The following GNG7 variants were observed in gnomAD, a reference collection of about 807,000 sequenced individuals.
The protein encoded by GNG7 is G protein subunit gamma 7.
Under a neutral mutation model 4.0 loss-of-function variants are expected in GNG7, and 1 was observed. The observed-to-expected ratio is 0.25, with a 90% CI of 0.09 to 1.18. GNG7 has a LOEUF of 1.18. Ranked by LOEUF, GNG7 falls within the 50% of genes most tolerant of loss-of-function variation. The pLI, the probability that GNG7 is intolerant of heterozygous loss-of-function variation, is 0.50. For synonymous variants in GNG7, 34 were observed against 36.9 expected, an observed-to-expected ratio of 0.92 and a Z score of 0.29; for missense variants, 86 against 91.9, an observed-to-expected ratio of 0.94 and a Z score of 0.26.
At chr19:2,591,981 G>C (rs1425228463) in intron 2 of GNG7, among the ~76,000 whole-genome samples, 1 of 152,178 alleles carries the variant, frequency 6.6e-6, no homozygotes, top group Non-Finnish European at 1.5e-5. Context: ...ACTCACTGTT[G>C]ACAGGAGTTC....
Position 2,532,162 on chromosome 19 carries a change from C to CA in GNG7, c.-37-11438dup, listed in dbSNP as rs71178286. ...CGAGACTCCGTCTCAAAAAAAAAAA[C>CA]AAAAAAAAAAACAAAAACCAGCACT... On this transcript the variant is annotated intron_variant, in intron 3 of 4. Coordinates refer to ENST00000382159, the MANE Select transcript of GNG7 (RefSeq NM_052847.3). Among the ~76,000 whole-genome samples the CA allele has an allele frequency of 5.2e-3, 623 of 120,694 alleles. 5 individuals are homozygous for CA. Among genetic ancestry groups the CA allele is most frequent in the African/African-American group, 0.012 (426 of 34,834 alleles). The allele number at this position is 120,694 out of a possible 152,430, so 79.2% of individuals were successfully genotyped here. A position where few individuals can be genotyped will look rare whatever the true frequency, so the allele number is the denominator to read the frequency against.
intron 2 of GNG7, among the ~76,000 whole-genome samples, chr19:2,568,759 T>A (rs1980045446): frequency 6.7e-6 from 1 of 149,554 alleles, no homozygotes. Context: ...CATACACACA[T>A]ACACATATAC....
chr19:2,680,308 C>A (rs989532758), intron 1 of GNG7, among the ~76,000 whole-genome samples: 1 of 151,818 alleles, frequency 6.6e-6, no homozygotes, highest in African/African-American at 2.4e-5. Flanking sequence ...CGCCACCATG[C>A]CTGGCCAATT....
rs1491247235 is a variant in GNG7 at position 2,553,395 on chromosome 19, TAC to T, written c.-38+1752_-38+1753del. ...GCATGGTGCTGAGCATATATATATA[TAC>T]ATATATATATGTAATATACATTTTA... is the stretch of plus-strand genomic sequence containing the variant. On this transcript the variant is annotated intron_variant, in intron 3 of 4. Transcript: ENST00000382159. Among the ~76,000 whole-genome samples, 287 of 127,976 alleles carry T rather than the reference TAC, an allele frequency of 2.2e-3. 3 individuals carry two copies. The highest frequency in any genetic ancestry group is 7.2e-3 in the East Asian group (34 of 4,734). 84.0% of individuals were successfully genotyped at this position (127,976 alleles called of 152,430 possible). A position where few individuals can be genotyped will look rare whatever the true frequency, so the allele number is the denominator to read the frequency against.
At chr19:2,674,795 T>C (rs1983553247) in intron 1 of GNG7, among the ~76,000 whole-genome samples, 1 of 152,138 alleles carries the variant, frequency 6.6e-6, no homozygotes, top group African/African-American at 2.4e-5. Context: ...TCAGGGAGTG[T>C]TGAAGAAAAC....
In GNG7 at chr19:2,633,491, A is replaced by ACACACGCGCG. The variant is rs1555698927; in HGVS notation, c.-78+12732_-78+12733insCGCGCGTGTG. ...AACAGGCGCGCGCGCGCGCGCGCAC[A>ACACACGCGCG]CACACACACACACACACACACACAC... On this transcript the variant is annotated intron_variant, in intron 2 of 4. Coordinates refer to ENST00000382159, the MANE Select transcript of GNG7 (RefSeq NM_052847.3). This position sits in a 1 kb window ranked among gnomAD's most constrained non-coding sequence, Gnocchi z 5.9. Among the ~76,000 whole-genome samples the ACACACGCGCG allele has an allele frequency of 8.4e-4, 70 of 82,900 alleles. No individual in the cohort carries two copies. The highest frequency in any genetic ancestry group is 4.7e-3 in the African/African-American group (65 of 13,902). The allele number at this position is 82,900 out of a possible 152,430, so 54.4% of individuals were successfully genotyped here.
chr19:2,555,979 G>A (rs1390610378), intron 2 of GNG7, among the ~76,000 whole-genome samples: 3 of 152,212 alleles, frequency 2.0e-5, no homozygotes, highest in East Asian at 1.9e-4. Context: ...ACCACCTTCC[G>A]TGGTCTTTCC....
chr19:2,548,937 T>C (rs1979224764), intron 3 of GNG7, among the ~76,000 whole-genome samples: 1 of 152,174 alleles, frequency 6.6e-6, no homozygotes, highest in Non-Finnish European at 1.5e-5. Context: ...ACTGTGCATG[T>C]TGTTTGCATC....
intron 2 of GNG7, among the ~76,000 whole-genome samples, chr19:2,615,355 CG>C (rs1272448096): frequency 6.6e-6 from 1 of 151,586 alleles, no homozygotes; most frequent in African/African-American, 2.4e-5. Context: ...CTGCAGGGGT[CG>C]GCAAGGATGT....
At chr19:2,552,325 C>CTAA (rs1265703068) in intron 3 of GNG7, among the ~76,000 whole-genome samples, 1 of 151,880 alleles carries the variant, frequency 6.6e-6, no homozygotes, top group Non-Finnish European at 1.5e-5. Flanking sequence ...CAGAAATAAT[C>CTAA]TAATGCCTGA....
chr19:2,539,493 C>T (rs111721162), intron 3 of GNG7, among the ~76,000 whole-genome samples: 2,376 of 151,972 alleles, frequency 0.016, 29 homozygotes, highest in Non-Finnish European at 0.023. Context: ...TTAGTAGAGA[C>T]GGGGTTTCAC....
rs1216620704 is a variant in GNG7, at chr19:2,535,445, A to C, written c.-37-14720T>G. On this transcript the variant is annotated intron_variant, in intron 3 of 4. Coordinates refer to ENST00000382159, the MANE Select transcript of GNG7 (RefSeq NM_052847.3). Reference sequence around the variant, plus strand: ...AGCCCAGGAAGTGGAGGTTGCAGTGAGCCGAGATCATGCCACTGCACTCCA... The same window carrying C: ...AGCCCAGGAAGTGGAGGTTGCAGTGCGCCGAGATCATGCCACTGCACTCCA... Among the ~76,000 whole-genome samples, 7 of 151,610 alleles carry C rather than the reference A, an allele frequency of 4.6e-5. No homozygotes were observed. The East Asian group carries it at 1.4e-3, about 29-fold the overall frequency.
chr19:2,515,224 C>A, intron 4 of GNG7, 77 bp from the exon 5 acceptor site: 1 of 1,584,028 alleles, frequency 6.3e-7, no homozygotes. Context: ...CAGCACCATT[C>A]CCAAGAGCCA....
intron 2 of GNG7, among the ~76,000 whole-genome samples, chr19:2,591,036 C>G (rs1229411001): frequency 6.6e-6 from 1 of 152,198 alleles, no homozygotes; most frequent in Non-Finnish European, 1.5e-5. Context: ...ATTATTCTTA[C>G]TCATTTTAAA....
At chr19:2,646,492 C>G (rs1982670867) in intron 1 of GNG7, among the ~76,000 whole-genome samples, 1 of 152,178 alleles carries the variant, frequency 6.6e-6, no homozygotes, top group Non-Finnish European at 1.5e-5. Flanking sequence ...TCGAGACCAG[C>G]CTGGCCAACA....
intron 1 of GNG7, among the ~76,000 whole-genome samples, chr19:2,675,716 T>G (rs1406047536): frequency 6.6e-6 from 1 of 152,066 alleles, no homozygotes; most frequent in African/African-American, 2.4e-5. Flanking sequence ...TCTGAGGACA[T>G]CTGTGGTTTT....
In GNG7 at chr19:2,639,056, G is replaced by A. The variant is rs149408517; in HGVS notation, c.-78+7168C>T. Among the ~76,000 whole-genome samples the A allele has an allele frequency of 6.7e-3, 1,023 of 152,002 alleles. 12 individuals carry two copies. The highest frequency in any genetic ancestry group is 0.02 in the Middle Eastern group (6 of 294). ...GTTCGACACCAGCCTGGCCAACATG[G>A]TGAAACCCCATCTCTACTAAAAATA... On this transcript the variant is annotated intron_variant, in intron 2 of 4. Transcript: ENST00000382159.
chr19:2,521,378 G>T (rs1026219778), intron 3 of GNG7, among the ~76,000 whole-genome samples: 17 of 152,196 alleles, frequency 1.1e-4, no homozygotes. Flanking sequence ...CCATGGCAGG[G>T]GTTCTTGCCC....
At position 2,512,986 on chromosome 19, in the gene GNG7, C is replaced by A; in HGVS notation, c.*2036G>T. ...GGGAGCCTCTGGGGCTCTCCCGGGCCAACAGCAGGTTTGGCGGGTAGGGCT... is the reference window on the plus strand; with the variant it reads ...GGGAGCCTCTGGGGCTCTCCCGGGCAAACAGCAGGTTTGGCGGGTAGGGCT... On this transcript the variant is annotated 3_prime_UTR_variant, in exon 5 of 5. Transcript: ENST00000382159. The surrounding 1 kb of genome is among the most constrained non-coding windows in gnomAD (Gnocchi z 4.7). The A allele has an allele frequency of 1.0e-6, 1 of 985,462 alleles. No homozygotes were observed. The highest frequency in any genetic ancestry group is 1.2e-6 in the Non-Finnish European group (1 of 829,954). 61.0% of individuals were successfully genotyped at this position (985,462 alleles called of 1,614,324 possible). A position where few individuals can be genotyped will look rare whatever the true frequency, so the allele number is the denominator to read the frequency against.
Sources: gnomAD v4.1 joint callset for allele counts (sites outside exome capture counted in the v4.1 genomes callset) on GRCh38, gnomAD v4.1.1 for gene constraint, Gnocchi (gnomAD v3.1) non-coding constraint, MANE v1.5 for transcripts, NCBI Gene and HGNC (gene_info 2026-07-23, HGNC 2026-07-21) for gene names.